Variants in XPO4 observed in about 807,000 individuals in gnomAD.
The protein encoded by XPO4 is exportin-4.
XPO4 carries 39 observed loss-of-function variants against 143.0 expected under a neutral mutation model. The ratio of observed to expected loss-of-function variants is 0.27; its 90% confidence interval spans 0.21 to 0.36. The LOEUF (loss-of-function observed/expected upper bound fraction) is 0.36, where lower values mean the gene tolerates loss of function less well. Ranked by LOEUF, XPO4 falls within the 10% of genes least tolerant of loss-of-function variation. The pLI, the probability that XPO4 is intolerant of heterozygous loss-of-function variation, is 1.00. For synonymous variants in XPO4, 439 were observed against 474.0 expected, an observed-to-expected ratio of 0.93 and a Z score of 0.96; for missense variants, 907 against 1,348.0, an observed-to-expected ratio of 0.67 and a Z score of 5.12.
chr13:20,855,950 G>C (rs951657904), intron 3 of XPO4, among the ~76,000 whole-genome samples, 185 bp from the exon 4 acceptor site: 1 of 152,170 alleles, frequency 6.6e-6, no homozygotes, highest in Non-Finnish European at 1.5e-5. Flanking sequence ...CATTGTGGAC[G>C]GGCTGTATGA....
At chr13:20,898,055 GT>G (rs2138192125) in intron 1 of XPO4, among the ~76,000 whole-genome samples, 1 of 152,248 alleles carries the variant, frequency 6.6e-6, no homozygotes, top group South Asian at 2.1e-4. Context: ...GCCTGGCCAG[GT>G]TTTCTCATTT....
intron 9 of XPO4, among the ~76,000 whole-genome samples, chr13:20,812,233 T>C (rs1046233215): frequency 2.0e-5 from 3 of 152,056 alleles, no homozygotes; most frequent in Non-Finnish European, 2.9e-5. Flanking sequence ...TAGCTGGGCA[T>C]GGTGGCAGGA....
chr13:20,789,515 C>A (rs564676817), intron 19 of XPO4, among the ~76,000 whole-genome samples: 10 of 151,910 alleles, frequency 6.6e-5, no homozygotes, highest in Middle Eastern at 6.8e-3. Flanking sequence ...CTGCCTCAGC[C>A]TCCTGAGTAG....
At chr13:20,858,646 C>T (rs887469065) in intron 3 of XPO4, among the ~76,000 whole-genome samples, 6 of 151,890 alleles carry the variant, frequency 4.0e-5, no homozygotes, top group African/African-American at 1.2e-4. Flanking sequence ...TCAAGGAGGG[C>T]GGATCATGAG....
At chr13:20,789,916 T>C (rs575268354) in intron 19 of XPO4, among the ~76,000 whole-genome samples, 8 of 151,658 alleles carry the variant, frequency 5.3e-5, no homozygotes, top group African/African-American at 1.9e-4. Flanking sequence ...AAAAGTTGCC[T>C]CACCGCCACC....
rs1195260734 is a variant in XPO4, at chr13:20,822,306, C to T, written c.841-17G>A. The T allele has an allele frequency of 2.5e-6, 4 of 1,604,656 alleles. No individual in the cohort carries two copies. The Admixed American group carries it at 6.8e-5, about 27-fold the overall frequency. On this transcript the variant is annotated splice_polypyrimidine_tract_variant and intron_variant, in intron 7 of 22. Transcript: ENST00000255305. ...TCGATGTACCTGTTAGAAAGAATTA[C>T]TAATCCATAAATATAAATTCTTCCT... is the stretch of plus-strand genomic sequence containing the variant.
chr13:20,881,815 A>G (rs1595158917), intron 1 of XPO4, among the ~76,000 whole-genome samples: 1 of 152,170 alleles, frequency 6.6e-6, no homozygotes, highest in African/African-American at 2.4e-5. Context: ...TACATCGGGG[A>G]AAAAATTAGG....
At chr13:20,891,595 G>A (rs1407210965) in intron 1 of XPO4, among the ~76,000 whole-genome samples, 2 of 152,028 alleles carry the variant, frequency 1.3e-5, no homozygotes, top group African/African-American at 4.8e-5. Flanking sequence ...AGCCGTGGTG[G>A]CTCACGTCTG....
At chr13:20,847,357 T>TCTCAG (rs141564023) in intron 4 of XPO4, among the ~76,000 whole-genome samples, 2 of 152,214 alleles carry the variant, frequency 1.3e-5, no homozygotes, top group African/African-American at 2.4e-5. Context: ...ATGAAGTTAC[T>TCTCAG]CTCACATTGT....
chr13:20,824,143 AT>A, intron 7 of XPO4, among the ~76,000 whole-genome samples: 1 of 152,206 alleles, frequency 6.6e-6, no homozygotes. Context: ...AAATACAAAT[AT>A]TTTTCAAACT....
intron 20 of XPO4, among the ~76,000 whole-genome samples, 189 bp from the exon 21 acceptor site, chr13:20,787,787 A>G (rs571909299): frequency 8.5e-5 from 13 of 152,212 alleles, no homozygotes; most frequent in Non-Finnish European, 1.6e-4. Context: ...CAGATTGCCT[A>G]TAAGGTTTTT....
intron 13 of XPO4, among the ~76,000 whole-genome samples, chr13:20,805,092 C>T (rs1350403360): frequency 6.6e-6 from 1 of 151,928 alleles, no homozygotes; most frequent in East Asian, 1.9e-4. Context: ...CTACAGGAGG[C>T]GAGCACCACC....
chr13:20,797,102 C>T, intron 16 of XPO4, 45 bp from the exon 17 acceptor site: 1 of 1,508,256 alleles, frequency 6.6e-7, no homozygotes, highest in Middle Eastern at 1.8e-4. Flanking sequence ...AGTTCTCATG[C>T]TTTATTTCCT....
intron 1 of XPO4, among the ~76,000 whole-genome samples, chr13:20,892,243 T>C (rs919919256): frequency 8.5e-5 from 13 of 152,058 alleles, no homozygotes; most frequent in African/African-American, 3.1e-4. Context: ...TGCACCACCA[T>C]GCCTGGCTAA....
chr13:20,837,400 C>CT (rs1027759465), intron 6 of XPO4, among the ~76,000 whole-genome samples: 21 of 151,306 alleles, frequency 1.4e-4, no homozygotes, highest in Non-Finnish European at 3.0e-4. Context: ...CTTTCTTCTC[C>CT]TTTTTTTTTC....
intron 6 of XPO4, among the ~76,000 whole-genome samples, chr13:20,827,654 CA>C (rs2059801112): frequency 6.6e-6 from 1 of 151,246 alleles, no homozygotes; most frequent in Non-Finnish European, 1.5e-5. Context: ...ACTGGAAAAG[CA>C]AAAGAACAAA....
intron 6 of XPO4, 47 bp downstream of exon 6, chr13:20,842,848 C>T (rs1251701853): frequency 1.3e-5 from 20 of 1,532,324 alleles, no homozygotes; most frequent in Non-Finnish European, 1.7e-5. Flanking sequence ...AATTAAGTCA[C>T]CTATGAAAAT....
At chr13:20,854,099 C>T (rs1243926205) in intron 4 of XPO4, among the ~76,000 whole-genome samples, 1 of 151,966 alleles carries the variant, frequency 6.6e-6, no homozygotes, top group African/African-American at 2.4e-5. Flanking sequence ...AATTACTTCT[C>T]AATAAAGTTA....
At position 20,783,620 on chromosome 13, in the gene XPO4, A is replaced by T; in HGVS notation, c.*102T>A. 7.6e-7 allele frequency: 1 copy of T among 1,314,144 alleles called. No individual in the cohort carries two copies. The highest frequency in any genetic ancestry group is 1.1e-6 in the Non-Finnish European group (1 of 927,190). The allele number at this position is 1,314,144 out of a possible 1,614,324, so 81.4% of individuals were successfully genotyped here. ...AAGTTTCAGGCTCTCCAAAATCCAAAATGGCCAAATGAACTGAGGAATAGG... is the reference window on the plus strand; with the variant it reads ...AAGTTTCAGGCTCTCCAAAATCCAATATGGCCAAATGAACTGAGGAATAGG... On this transcript the variant is annotated 3_prime_UTR_variant, in exon 23 of 23. Coordinates refer to ENST00000255305, the MANE Select transcript of XPO4 (RefSeq NM_022459.5).
Sources: allele counts gnomAD v4.1 joint callset (sites outside exome capture counted in the v4.1 genomes callset), GRCh38; gene constraint gnomAD v4.1.1; transcripts MANE v1.5; gene names NCBI Gene and HGNC (gene_info 2026-07-23, HGNC 2026-07-21).